ABCC2: variants seen among roughly 807,000 people sequenced by gnomAD.
The protein encoded by ABCC2 is ATP-binding cassette sub-family C member 2.
Under a neutral mutation model 173.4 loss-of-function variants are expected in ABCC2, and 157 were observed. The ratio of observed to expected loss-of-function variants is 0.91; its 90% CI spans 0.80 to 1.03. The LOEUF is 1.03. ABCC2 is among the 50% of genes least tolerant of loss of function. ABCC2 has a pLI of 0.00. For synonymous variants in ABCC2, 657 were observed against 693.5 expected (o/e 0.95, Z 0.83); for missense variants, 1,822 against 1,852.3 (o/e 0.98, Z 0.30).
At chr10:99,835,654 G>C (rs2038808691) in intron 24 of ABCC2, among the ~76,000 whole-genome samples, 1 of 151,980 alleles carries the variant, frequency 6.6e-6, no homozygotes, top group Non-Finnish European at 1.5e-5. Context: ...ACCTAGGCAT[G>C]CCTTTTTCTG....
intron 29 of ABCC2, 112 bp from the exon 30 acceptor site, chr10:99,846,849 G>T: frequency 7.0e-7 from 1 of 1,435,370 alleles, no homozygotes; most frequent in Non-Finnish European, 9.8e-7. Flanking sequence ...CCAGCTTCCT[G>T]CCTCAGGAAT....
chr10:99,792,171 T>G (rs2132965768), intron 2 of ABCC2, 63 bp from the exon 3 acceptor site: 1 of 1,607,532 alleles, frequency 6.2e-7, no homozygotes, highest in South Asian at 1.1e-5. Context: ...CCGGAAACCA[T>G]TCTGTTCTAA....
At chr10:99,847,549 G>A (rs2133153167) in intron 30 of ABCC2, among the ~76,000 whole-genome samples, 1 of 151,994 alleles carries the variant, frequency 6.6e-6, no homozygotes, top group African/African-American at 2.4e-5. Flanking sequence ...GTTGCAGTGA[G>A]CCGAGATTGC....
intron 1 of ABCC2, among the ~76,000 whole-genome samples, chr10:99,783,765 G>A (rs1425124090): frequency 6.6e-6 from 1 of 152,156 alleles, no homozygotes; most frequent in African/African-American, 2.4e-5. Context: ...CTCGAGGCCA[G>A]GAGTGTATAC....
chr10:99,831,818 G>A lies in ABCC2; in HGVS notation c.3091G>A (p.Gly1031Arg). The change falls in exon 22 of 32, where the codon GGA becomes AGA. Residue 1031 changes from glycine to arginine, a missense_variant. Gly to Arg is a moderately radical substitution (Grantham distance 125). Coordinates refer to ENST00000647814, the MANE Select transcript of ABCC2 (RefSeq NM_000392.5). ...DMRVGVYGAL[G>R]LAQGIFVFIA... ...GAGAGTTGGAGTCTACGGAGCTCTG[G>A]GATTAGCCCAAGGTATGTCTGATGG... 2 of 1,614,086 alleles carry A rather than the reference G, an allele frequency of 1.2e-6. No homozygotes were observed. The highest frequency in any genetic ancestry group is 1.7e-6 in the Non-Finnish European group (2 of 1,180,016).
At chr10:99,784,551 G>A (rs564320856) in intron 1 of ABCC2, 57 bp from the exon 2 acceptor site, 1 of 1,562,694 alleles carries the variant, frequency 6.4e-7, no homozygotes, top group Non-Finnish European at 8.8e-7. Flanking sequence ...GTGCTGCAGG[G>A]TGGTTTTCTG....
chr10:99,797,072 A>T (rs568521203), intron 6 of ABCC2, 25 bp from the exon 7 acceptor site: 1 of 1,610,258 alleles, frequency 6.2e-7, no homozygotes, highest in East Asian at 2.2e-5. Context: ...TGGGGGTCTC[A>T]GCCTGTGGTT....
Position 99,818,938 on chromosome 10 carries a change from A to G in ABCC2, c.2420A>G (p.Asn807Ser), listed in dbSNP as rs113300169. 117 of 1,548,336 alleles carry G rather than the reference A, an allele frequency of 7.6e-5. No homozygotes were observed. Among genetic ancestry groups the G allele is most frequent in the Middle Eastern group, 1.7e-4 (1 of 5,794 alleles). The change falls in exon 18 of 32, where the codon AAT becomes AGT. Residue 807 changes from asparagine to serine, a missense_variant. Transcript: ENST00000647814. ...ATTTTTAATAAGGTCTTGGGCCCCAATGGCCTGTTGAAAGGCAAGGTGAGA... is the reference window on the plus strand; with the variant it reads ...ATTTTTAATAAGGTCTTGGGCCCCAGTGGCCTGTTGAAAGGCAAGGTGAGA... ...KHIFNKVLGPNGLLKGKTRLL... is the reference protein window; with the variant it reads ...KHIFNKVLGPSGLLKGKTRLL...
rs1281231157 is a variant in ABCC2, at chr10:99,784,723, A to C, written c.149A>C (p.His50Pro). The part of the protein sequence containing the change: ...LWLLAPWQLL[H>P]VYKSRTKRSS... The stretch of plus-strand genomic sequence containing the variant: ...CTCCTGGCCCCCTGGCAGCTTCTCC[A>C]CGTGTATAAATCCAGGACCAAGAGA... Residue 50 changes from histidine (H) to proline (P), a missense_variant, in exon 2 of 32, where the codon CAC becomes CCC. By Grantham distance (77) the His-to-Pro change is moderately conservative. Transcript: ENST00000647814. 1 of 1,613,992 alleles carries C rather than the reference A, an allele frequency of 6.2e-7. No individual in the cohort carries two copies. Among genetic ancestry groups the C allele is most frequent in the Non-Finnish European group, 8.5e-7 (1 of 1,180,028 alleles).
chr10:99,816,725 T>C (rs184000734), intron 16 of ABCC2, among the ~76,000 whole-genome samples: 216 of 152,266 alleles, frequency 1.4e-3, no homozygotes, highest in African/African-American at 4.7e-3. Context: ...GCGAGCATTA[T>C]CACCTGAGCT....
At position 99,814,262 on chromosome 10, in the gene ABCC2, C is replaced by CGT. The variant is rs1554850637; in HGVS notation, c.2094+1119_2094+1120dup. ...ATATGCACACACGTATGTATACACA[C>CGT]GTATGTATACACACGTATGTATACA... On this transcript the variant is annotated intron_variant, in intron 16 of 31. Coordinates refer to ENST00000647814, the MANE Select transcript of ABCC2 (RefSeq NM_000392.5). 1.5e-4 allele frequency among the ~76,000 whole-genome samples: 4 copies of CGT among 26,380 alleles called. 1 individual carries two copies. The highest frequency in any genetic ancestry group is 6.0e-4 in the African/African-American group (4 of 6,612). The allele number at this position is 26,380 out of a possible 152,430, so 17.3% of individuals were successfully genotyped here.
At chr10:99,814,962 C>A (rs2038378772) in intron 16 of ABCC2, among the ~76,000 whole-genome samples, 1 of 151,600 alleles carries the variant, frequency 6.6e-6, no homozygotes, top group Admixed American at 6.6e-5. Context: ...TGCCACCATG[C>A]CCCACTAACT....
intron 2 of ABCC2, among the ~76,000 whole-genome samples, chr10:99,788,099 A>G (rs1373902574): frequency 2.0e-5 from 3 of 151,944 alleles, no homozygotes; most frequent in Non-Finnish European, 2.9e-5. Flanking sequence ...ACAAAAGGGT[A>G]CCCAGTACTC....
intron 21 of ABCC2, 50 bp downstream of exon 21, chr10:99,830,901 C>G: frequency 3.7e-6 from 6 of 1,610,746 alleles, no homozygotes; most frequent in Non-Finnish European, 3.4e-6. Flanking sequence ...AGGTTTAGAA[C>G]CCAAAATTTT....
At position 99,831,626 on chromosome 10, in the gene ABCC2, T is replaced by C; in HGVS notation, c.2899T>C (p.Tyr967His). ...GACTTTGCAGGTGAAGTTCTCCATC[T>C]ACCTGGAGTACCTACAAGCAATAGG... ...IETGKVKFSI[Y>H]LEYLQAIGLF... The change falls in exon 22 of 32, where the codon TAC becomes CAC. Residue 967 changes from tyrosine (Y) to histidine (H), a missense_variant. Coordinates refer to ENST00000647814, the MANE Select transcript of ABCC2 (RefSeq NM_000392.5). 1 of 1,614,166 alleles carries C rather than the reference T, an allele frequency of 6.2e-7. No individual in the cohort carries two copies. The highest frequency in any genetic ancestry group is 8.5e-7 in the Non-Finnish European group (1 of 1,179,996).
chr10:99,797,113 T>C lies in ABCC2; in HGVS notation c.649T>C (p.Tyr217His). The C allele has an allele frequency of 2.5e-6, 4 of 1,614,112 alleles. No individual in the cohort carries two copies. The highest frequency in any genetic ancestry group is 1.1e-5 in the South Asian group (1 of 91,072). The change falls in exon 7 of 32, where the codon TAC becomes CAC. Residue 217 changes from tyrosine (Y) to histidine (H), a missense_variant. Tyr to His is a moderately conservative substitution (Grantham distance 83, BLOSUM62 2). Transcript: ENST00000647814. ...SWYDSIILKG[Y>H]KRPLTLEDVW... is the part of the protein sequence containing the mutation. The stretch of plus-strand genomic sequence containing the variant: ...TTGTTCCAGCATCATTCTGAAAGGC[T>C]ACAAGCGTCCTCTGACACTCGAGGA...
chr10:99,843,758 CT>C, intron 26 of ABCC2, 40 bp from the exon 27 acceptor site: 1 of 1,559,330 alleles, frequency 6.4e-7, no homozygotes. Flanking sequence ...GAGTTGGTTT[CT>C]GTGCCTATGA....
intron 7 of ABCC2, 99 bp downstream of exon 7, chr10:99,797,430 C>A: frequency 2.9e-6 from 3 of 1,044,136 alleles, no homozygotes; most frequent in Non-Finnish European, 4.4e-6. Context: ...TATAGCACTT[C>A]ATACTTCTCA....
At chr10:99,810,037 G>A in intron 13 of ABCC2, 97 bp from the exon 14 acceptor site, 1 of 1,151,826 alleles carries the variant, frequency 8.7e-7, no homozygotes, top group Admixed American at 1.8e-5. Context: ...GCCAGCTGTG[G>A]CAAATAGAAA....
Sources: gnomAD v4.1 joint callset for allele counts (sites outside exome capture counted in the v4.1 genomes callset) on GRCh38, gnomAD v4.1.1 for gene constraint, MANE v1.5 for transcripts, NCBI Gene and HGNC (gene_info 2026-07-23, HGNC 2026-07-21) for gene names.